Variants in ASTN2 observed in about 807,000 individuals in gnomAD.
The protein encoded by ASTN2 is astrotactin 2.
ASTN2 carries 54 observed loss-of-function variants against 139.8 expected under a neutral mutation model. The ratio of observed to expected loss-of-function variants is 0.39; its 90% confidence interval spans 0.31 to 0.48. The LOEUF (loss-of-function observed/expected upper bound fraction) is 0.48, where lower values mean the gene tolerates loss of function less well. ASTN2 is among the 20% of genes least tolerant of loss of function. ASTN2 has a pLI of 0.95. For synonymous variants in ASTN2, 756 were observed against 719.5 expected (o/e 1.05, Z -0.81); for missense variants, 1,565 against 1,725.1 (o/e 0.91, Z 1.64).
chr9:116,987,306 A>T (rs953014438), intron 7 of ASTN2, among the ~76,000 whole-genome samples: 1 of 152,232 alleles, frequency 6.6e-6, no homozygotes, highest in Non-Finnish European at 1.5e-5. Flanking sequence ...AGCCTTAAAC[A>T]AGGATAAATG....
At chr9:116,636,757 G>A (rs1050124401) in intron 17 of ASTN2, among the ~76,000 whole-genome samples, 1 of 152,122 alleles carries the variant, frequency 6.6e-6, no homozygotes, top group African/African-American at 2.4e-5. Context: ...AGTATGGCCT[G>A]GATAAGACTG....
intron 10 of ASTN2, among the ~76,000 whole-genome samples, chr9:116,958,253 T>C (rs1835773685): frequency 6.6e-6 from 1 of 152,160 alleles, no homozygotes; most frequent in African/African-American, 2.4e-5. Context: ...GCTCATTGGG[T>C]TGTACGAATG....
chr9:116,995,820 C>T (rs1360338264), intron 7 of ASTN2, among the ~76,000 whole-genome samples: 2 of 152,054 alleles, frequency 1.3e-5, no homozygotes, highest in African/African-American at 4.8e-5. Context: ...CAACTTCTGA[C>T]ATTTTATTTT....
chr9:116,903,257 G>A (rs1420247025), intron 10 of ASTN2, among the ~76,000 whole-genome samples: 1 of 152,022 alleles, frequency 6.6e-6, no homozygotes, highest in Non-Finnish European at 1.5e-5. Flanking sequence ...TTATTACCTC[G>A]AATCTACTGT....
At chr9:116,943,405 A>G (rs948999843) in intron 10 of ASTN2, among the ~76,000 whole-genome samples, 13 of 152,200 alleles carry the variant, frequency 8.5e-5, no homozygotes, top group African/African-American at 2.9e-4. Flanking sequence ...GCCTGCTTAC[A>G]TAAGTATCTA....
At chr9:117,401,051 G>C (rs936093160) in intron 1 of ASTN2, among the ~76,000 whole-genome samples, 1 of 152,174 alleles carries the variant, frequency 6.6e-6, no homozygotes, top group African/African-American at 2.4e-5. Context: ...CGAGCACATA[G>C]GTAGCATGTA....
intron 19 of ASTN2, among the ~76,000 whole-genome samples, chr9:116,588,942 C>G (rs1042412095): frequency 1.3e-5 from 2 of 152,136 alleles, no homozygotes; most frequent in African/African-American, 2.4e-5. Context: ...TTCTCTTTTT[C>G]TTTCAGTGTA....
chr9:116,857,166 T>C (rs1403248770), intron 11 of ASTN2, among the ~76,000 whole-genome samples: 1 of 152,214 alleles, frequency 6.6e-6, no homozygotes, highest in Non-Finnish European at 1.5e-5. Flanking sequence ...CTTGGAACAG[T>C]CTTTGTATGG....
At chr9:116,442,925 T>C (rs1207648345) in intron 20 of ASTN2, among the ~76,000 whole-genome samples, 2 of 152,174 alleles carry the variant, frequency 1.3e-5, no homozygotes, top group African/African-American at 4.8e-5. Context: ...TATATATTCA[T>C]TAATTTACTC....
chr9:117,248,144 C>G (rs535572189), intron 2 of ASTN2, among the ~76,000 whole-genome samples: 2 of 152,192 alleles, frequency 1.3e-5, no homozygotes, highest in South Asian at 4.1e-4. Flanking sequence ...GATCTCAAAA[C>G]ATTTCCCATC....
At chr9:116,575,966 T>A (rs566055659) in intron 19 of ASTN2, among the ~76,000 whole-genome samples, 6 of 152,180 alleles carry the variant, frequency 3.9e-5, no homozygotes, top group African/African-American at 1.4e-4. Context: ...AGCTCATGAG[T>A]GGCCCTTTGT....
intron 3 of ASTN2, among the ~76,000 whole-genome samples, chr9:117,175,888 T>C (rs1830903506): frequency 6.6e-6 from 1 of 151,950 alleles, no homozygotes; most frequent in South Asian, 2.1e-4. Flanking sequence ...AATGAAAATA[T>C]TCAAAATTAG....
At chr9:117,180,092 C>T (rs1831019863) in intron 3 of ASTN2, among the ~76,000 whole-genome samples, 1 of 152,212 alleles carries the variant, frequency 6.6e-6, no homozygotes, top group Admixed American at 6.5e-5. Context: ...GCTAGCTCTG[C>T]ATCTCTCTTT....
intron 6 of ASTN2, among the ~76,000 whole-genome samples, chr9:117,011,374 C>T (rs1837530098): frequency 6.6e-6 from 1 of 152,128 alleles, no homozygotes; most frequent in African/African-American, 2.4e-5. Flanking sequence ...AAAGAGACTC[C>T]AGAGAGTTCC....
At chr9:117,021,612 A>G (rs1387652156) in intron 6 of ASTN2, among the ~76,000 whole-genome samples, 2 of 152,164 alleles carry the variant, frequency 1.3e-5, no homozygotes, top group Non-Finnish European at 1.5e-5. Context: ...AGTCCAGGGT[A>G]ATGTTTAATA....
At chr9:116,922,601 G>C (rs957440165) in intron 10 of ASTN2, among the ~76,000 whole-genome samples, 1 of 152,208 alleles carries the variant, frequency 6.6e-6, no homozygotes, top group African/African-American at 2.4e-5. Flanking sequence ...TTACTGGCTG[G>C]TGGTGAAATG....
At chr9:116,650,623 A>T (rs1353090715) in intron 17 of ASTN2, among the ~76,000 whole-genome samples, 1 of 152,182 alleles carries the variant, frequency 6.6e-6, no homozygotes, top group Admixed American at 6.5e-5. Flanking sequence ...GGCAGAGTAA[A>T]TGAGATAATG....
intron 2 of ASTN2, among the ~76,000 whole-genome samples, chr9:117,258,784 C>A (rs1833752910): frequency 6.6e-6 from 1 of 152,064 alleles, no homozygotes; most frequent in Non-Finnish European, 1.5e-5. Context: ...ATATGTTGTG[C>A]CCTCTGTCTG....
intron 3 of ASTN2, among the ~76,000 whole-genome samples, chr9:117,148,677 C>T (rs1830256947): frequency 6.6e-6 from 1 of 152,180 alleles, no homozygotes; most frequent in Non-Finnish European, 1.5e-5. Flanking sequence ...ATTTACTAAA[C>T]CATGATATCC....
Sources: gnomAD v4.1 joint callset for allele counts (sites outside exome capture counted in the v4.1 genomes callset) on GRCh38, gnomAD v4.1.1 for gene constraint, MANE v1.5 for transcripts, NCBI Gene and HGNC (gene_info 2026-07-23, HGNC 2026-07-21) for gene names.